The following TTC6 variants were observed in gnomAD, a reference collection of about 807,000 sequenced individuals.
TTC6 encodes tetratricopeptide repeat protein 6.
TTC6 carries 172 observed loss-of-function variants against 210.4 expected under a neutral mutation model. That is an observed-to-expected ratio of 0.82 (90% confidence interval 0.72 to 0.93). TTC6 has a LOEUF of 0.93. Ranked by LOEUF, TTC6 falls within the 40% of genes least tolerant of loss-of-function variation. TTC6 has a pLI of 0.00. For synonymous variants in TTC6, 804 were observed against 819.6 expected (o/e 0.98, Z 0.32); for missense variants, 2,414 against 2,318.1 (o/e 1.04, Z -0.85).
intron 1 of TTC6, among the ~76,000 whole-genome samples, chr14:37,596,847 T>C (rs72674255): frequency 0.015 from 2,326 of 152,338 alleles, 19 homozygotes; most frequent in South Asian, 0.039. Flanking sequence ...GATACCTTTT[T>C]CCCTGTGCTT....
chr14:37,653,215 A>T (rs1397307135), intron 1 of TTC6, among the ~76,000 whole-genome samples: 1 of 152,078 alleles, frequency 6.6e-6, no homozygotes, highest in East Asian at 1.9e-4. Context: ...CCCCTTTCTT[A>T]ATTTACTAAC....
At chr14:37,610,094 G>A (rs950401840) in intron 2 of TTC6, among the ~76,000 whole-genome samples, 2 of 152,198 alleles carry the variant, frequency 1.3e-5, no homozygotes, top group African/African-American at 4.8e-5. Flanking sequence ...GAAACCCAGA[G>A]AGGGAAAGCA....
At chr14:37,712,769 C>T (rs562335831) in intron 5 of TTC6, among the ~76,000 whole-genome samples, 2 of 152,172 alleles carry the variant, frequency 1.3e-5, no homozygotes, top group Admixed American at 6.5e-5. Flanking sequence ...TCAATTACCT[C>T]CCACCGGGTC....
intron 15 of TTC6, among the ~76,000 whole-genome samples, chr14:37,788,334 T>C (rs1451626198): frequency 1.3e-5 from 2 of 152,100 alleles, no homozygotes; most frequent in African/African-American, 2.4e-5. Flanking sequence ...ACTCCAGATA[T>C]GCCTGTGTTC....
chr14:37,827,324 TA>T lies in TTC6; in HGVS notation c.5258del (p.Asn1753MetfsTer23). On this transcript the variant is annotated frameshift_variant, in exon 29 of 31. Transcript: ENST00000553443. LOFTEE classifies it high-confidence loss of function. Reference sequence around the variant, plus strand: ...ACCCCAAGTACTCGCTGGCTTACTTTAATGCAGGAAATATCTACTTTCACCA... The same window carrying T: ...ACCCCAAGTACTCGCTGGCTTACTTTATGCAGGAAATATCTACTTTCACCA... 5 of 1,613,226 alleles carry T rather than the reference TA, an allele frequency of 3.1e-6. No homozygotes were observed. The highest frequency in any genetic ancestry group is 4.2e-6 in the Non-Finnish European group (5 of 1,179,360).
intron 1 of TTC6, among the ~76,000 whole-genome samples, chr14:37,605,213 T>A (rs998944463): frequency 6.6e-6 from 1 of 152,150 alleles, no homozygotes; most frequent in Non-Finnish European, 1.5e-5. Context: ...GATTAAACCC[T>A]CCTATTGATG....
At chr14:37,673,064 T>C (rs1393526280) in intron 1 of TTC6, among the ~76,000 whole-genome samples, 6 of 152,146 alleles carry the variant, frequency 3.9e-5, no homozygotes, top group South Asian at 2.1e-4. Context: ...TAAATTTATA[T>C]GGCAGCTGTT....
intron 1 of TTC6, 132 bp downstream of exon 3, chr14:37,623,135 G>T: frequency 8.1e-6 from 5 of 615,392 alleles, no homozygotes; most frequent in South Asian, 7.3e-5. Flanking sequence ...AAAACACTGG[G>T]GTGTTATTCA....
chr14:37,638,420 A>G (rs1595046362), intron 1 of TTC6, among the ~76,000 whole-genome samples: 1 of 152,042 alleles, frequency 6.6e-6, no homozygotes, highest in Non-Finnish European at 1.5e-5. Context: ...ATGCCCGGCT[A>G]ATTTTTATAT....
intron 26 of TTC6, among the ~76,000 whole-genome samples, chr14:37,818,464 T>C (rs1183748939): frequency 2.0e-5 from 3 of 152,138 alleles, no homozygotes; most frequent in Non-Finnish European, 4.4e-5. Flanking sequence ...TAGCTTTTTT[T>C]CCCCTAAGAA....
intron 2 of TTC6, 54 bp downstream of exon 4, chr14:37,680,315 C>T (rs2095780469): frequency 8.7e-7 from 1 of 1,144,998 alleles, no homozygotes; most frequent in Non-Finnish European, 1.2e-6. Context: ...CAGCATGCTT[C>T]CTGTTGCTTG....
intron 1 of TTC6, among the ~76,000 whole-genome samples, chr14:37,664,808 AC>A (rs1566873493): frequency 6.6e-6 from 1 of 150,698 alleles, no homozygotes; most frequent in East Asian, 1.9e-4. Context: ...CAAGAAAAAA[AC>A]AAACAACCCC....
intron 1 of TTC6, among the ~76,000 whole-genome samples, chr14:37,651,440 TTTTTTTTTTTTTTCC>T (rs1268984957): frequency 4.7e-5 from 5 of 107,348 alleles, no homozygotes; most frequent in African/African-American, 2.0e-4. Context: ...TTTTTTTTTT[TTTTTTTTTTTTTTCC>T]ATCCATGATT....
intron 1 of TTC6, among the ~76,000 whole-genome samples, chr14:37,665,658 G>A (rs1458451971): frequency 1.3e-5 from 2 of 150,264 alleles, no homozygotes; most frequent in African/African-American, 4.8e-5. Context: ...TAAAATAAAA[G>A]TTGAAGGAAA....
At chr14:37,790,030 A>G (rs1055019637) in intron 15 of TTC6, among the ~76,000 whole-genome samples, 8 of 152,118 alleles carry the variant, frequency 5.3e-5, no homozygotes, top group African/African-American at 1.9e-4. Flanking sequence ...GAGACATGAG[A>G]TGACCTCTAG....
intron 2 of TTC6, among the ~76,000 whole-genome samples, chr14:37,612,824 T>A (rs2095636787): frequency 6.6e-6 from 1 of 152,192 alleles, no homozygotes; most frequent in Non-Finnish European, 1.5e-5. Flanking sequence ...ATTTTGTATG[T>A]TGTTAACTGT....
At chr14:37,723,281 A>T (rs971267966) in intron 6 of TTC6, among the ~76,000 whole-genome samples, 22 of 152,132 alleles carry the variant, frequency 1.4e-4, no homozygotes, top group Non-Finnish European at 2.8e-4. Context: ...TGGGGAATAT[A>T]ATTAAAAACT....
chr14:37,784,915 A>G (rs559471450), intron 14 of TTC6, among the ~76,000 whole-genome samples: 15 of 152,200 alleles, frequency 9.9e-5, no homozygotes, highest in Non-Finnish European at 1.6e-4. Context: ...TTCTGGGTTG[A>G]AAATTCTTTT....
chr14:37,665,968 A>T (rs2095747183), intron 1 of TTC6, among the ~76,000 whole-genome samples: 1 of 150,636 alleles, frequency 6.6e-6, no homozygotes. Context: ...CCTCCAAAAT[A>T]CAGAGTTTAC....
Sources: gnomAD v4.1 joint callset for allele counts (sites outside exome capture counted in the v4.1 genomes callset) on GRCh38, gnomAD v4.1.1 for gene constraint, MANE v1.5 for transcripts, NCBI Gene and HGNC (gene_info 2026-07-23, HGNC 2026-07-21) for gene names.